The following PCDHA9 variants were observed in gnomAD, a reference collection of about 807,000 sequenced individuals.
PCDHA9 encodes the protein protocadherin alpha 9.
Under a neutral mutation model 62.0 loss-of-function variants are expected in PCDHA9, and 62 were observed. The observed-to-expected ratio is 1.00, with a 90% CI of 0.81 to 1.23. The LOEUF (loss-of-function observed/expected upper bound fraction) is 1.23, where lower values mean the gene tolerates loss of function less well. PCDHA9 is among the 50% of genes most tolerant of loss of function. The pLI is 0.00. For missense variants in PCDHA9, 1,205 were observed against 1,249.8 expected, an observed-to-expected ratio of 0.96 and a Z score of 0.54; for synonymous variants, 557 against 567.6, an observed-to-expected ratio of 0.98 and a Z score of 0.27.
chr5:140,920,519 C>T lies in PCDHA9; in HGVS notation c.2395-58430C>T, dbSNP rs555001599. Among the ~76,000 whole-genome samples the T allele has an allele frequency of 2.9e-4, 44 of 152,246 alleles. 2 individuals are homozygous for T. The highest frequency in any genetic ancestry group is 2.8e-4 in the Non-Finnish European group (19 of 68,008). On this transcript the variant is annotated intron_variant, in intron 1 of 3. Coordinates refer to ENST00000532602, the MANE Select transcript of PCDHA9 (RefSeq NM_031857.2). The stretch of plus-strand genomic sequence containing the variant: ...GTTCTACATACTGTTTTATGCAATT[C>T]GTTAGACTCAGGTTTTCTATTTCAC...
At chr5:140,910,105 T>C (rs1021391817) in intron 1 of PCDHA9, among the ~76,000 whole-genome samples, 11 of 152,202 alleles carry the variant, frequency 7.2e-5, no homozygotes, top group African/African-American at 2.7e-4. Flanking sequence ...CCCCTTCATT[T>C]AAGGGATTCT....
intron 1 of PCDHA9, chr5:140,852,271 A>C (rs1554145738): frequency 6.0e-6 from 3 of 502,014 alleles, no homozygotes; most frequent in African/African-American, 2.1e-5. Context: ...ACAATATTAC[A>C]TGTTTTTTGT....
rs371069140 is a variant in PCDHA9, at chr5:141,011,291, A to G, written c.*1354A>G. ...CTCTTTGGTTTAGTTTTCCTTTTCT[A>G]TAACACTCTGAATTGCTAATCTTAC... is the stretch of plus-strand genomic sequence containing the variant. On this transcript the variant is annotated 3_prime_UTR_variant, in exon 4 of 4. Coordinates refer to ENST00000532602, the MANE Select transcript of PCDHA9 (RefSeq NM_031857.2). 6 of 153,852 alleles carry G rather than the reference A, an allele frequency of 3.9e-5. No homozygotes were observed. The highest frequency in any genetic ancestry group is 8.8e-5 in the Non-Finnish European group (6 of 68,024). 9.5% of individuals were successfully genotyped at this position (153,852 alleles called of 1,614,324 possible).
chr5:140,989,633 A>AGG (rs2097351730), intron 3 of PCDHA9, among the ~76,000 whole-genome samples: 1 of 152,226 alleles, frequency 6.6e-6, no homozygotes. Flanking sequence ...AGTGACAGCA[A>AGG]GGGTCTTTCA....
intron 1 of PCDHA9, among the ~76,000 whole-genome samples, chr5:140,938,135 A>T (rs926775458): frequency 1.3e-5 from 2 of 152,198 alleles, no homozygotes; most frequent in Non-Finnish European, 2.9e-5. Flanking sequence ...AAATAGAGAT[A>T]GAGTCTCACT....
intron 1 of PCDHA9, among the ~76,000 whole-genome samples, chr5:140,905,327 TG>T (rs2071747762): frequency 6.6e-6 from 1 of 152,202 alleles, no homozygotes; most frequent in Non-Finnish European, 1.5e-5. Context: ...TATGCTTTGT[TG>T]AAGATCAGTT....
chr5:140,881,023 A>T (rs1338073910), intron 1 of PCDHA9, among the ~76,000 whole-genome samples: 2 of 152,240 alleles, frequency 1.3e-5, no homozygotes, highest in Admixed American at 1.3e-4. Flanking sequence ...AAATAAACCC[A>T]ACAGTCATTT....
intron 1 of PCDHA9, among the ~76,000 whole-genome samples, chr5:140,933,883 T>C (rs376864592): frequency 1.3e-5 from 2 of 152,084 alleles, no homozygotes; most frequent in East Asian, 1.9e-4. Context: ...GTTTTATCTG[T>C]ACTTTTGAAT....
intron 1 of PCDHA9, chr5:140,858,360 G>C (rs782369682): frequency 1.9e-6 from 3 of 1,592,532 alleles, no homozygotes; most frequent in Non-Finnish European, 2.6e-6. Flanking sequence ...ATGGCCTTCA[G>C]CCCCAGCCTT....
chr5:140,857,255 T>C (rs1307623486), intron 1 of PCDHA9: 1 of 1,598,356 alleles, frequency 6.3e-7, no homozygotes, highest in Non-Finnish European at 8.6e-7. Context: ...CTACAAGAAT[T>C]ACTACTCATT....
At chr5:140,929,250 G>A (rs995042103) in intron 1 of PCDHA9, 2 of 1,613,420 alleles carry the variant, frequency 1.2e-6, no homozygotes, top group Admixed American at 1.7e-5. Flanking sequence ...TTGCCACTGG[G>A]GTAGGACTGA....
intron 1 of PCDHA9, among the ~76,000 whole-genome samples, chr5:140,940,147 GT>G (rs1459512201): frequency 6.6e-6 from 1 of 152,082 alleles, no homozygotes; most frequent in African/African-American, 2.4e-5. Flanking sequence ...AACTATTATA[GT>G]TTTTGTTTGC....
At position 140,857,384 on chromosome 5, in the gene PCDHA9, G is replaced by A; in HGVS notation, c.2394+6495G>A. 7 of 1,598,500 alleles carry A rather than the reference G, an allele frequency of 4.4e-6. 1 individual carries two copies. The highest frequency in any genetic ancestry group is 2.7e-5 in the African/African-American group (2 of 74,484). On this transcript the variant is annotated intron_variant, in intron 1 of 3. Transcript: ENST00000532602. ...GGCCAGCGTGTCTGTGGAGGTGGCC[G>A]ACGTGAACGACAACGCGCCTGCGTT...
Position 140,848,770 on chromosome 5 carries a change from G to A in PCDHA9, c.275G>A (p.Arg92His). ...GILFVNSRIDREELCGRSAEC... is the reference protein window; with the variant it reads ...GILFVNSRIDHEELCGRSAEC... ...TTGTTTGTGAATTCTCGGATCGACCGCGAGGAGCTGTGCGGGCGGAGCGCG... is the reference window on the plus strand; with the variant it reads ...TTGTTTGTGAATTCTCGGATCGACCACGAGGAGCTGTGCGGGCGGAGCGCG... The change falls in exon 1 of 4, where the codon CGC becomes CAC. Residue 92 changes from arginine (R) to histidine (H), a missense_variant. This residue lies in a region of PCDHA9 where 208 missense variants were observed against 213.2 expected (regional missense o/e 0.98). Coordinates refer to ENST00000532602, the MANE Select transcript of PCDHA9 (RefSeq NM_031857.2). The A allele has an allele frequency of 6.3e-7, 1 of 1,593,518 alleles. No individual in the cohort carries two copies. The highest frequency in any genetic ancestry group is 8.6e-7 in the Non-Finnish European group (1 of 1,164,158).
chr5:140,854,721 T>C (rs941408696), intron 1 of PCDHA9: 9 of 149,956 alleles, frequency 6.0e-5, no homozygotes, highest in Non-Finnish European at 1.2e-4. Flanking sequence ...GACAGAAAAC[T>C]CAAGTTTTTT....
intron 1 of PCDHA9, among the ~76,000 whole-genome samples, chr5:140,895,100 T>G (rs1306041919): frequency 2.0e-5 from 3 of 152,190 alleles, no homozygotes; most frequent in African/African-American, 7.2e-5. Context: ...TAGGGGTTTT[T>G]GCTACAAGAA....
chr5:140,874,521 T>C (rs571924676), intron 1 of PCDHA9, among the ~76,000 whole-genome samples: 4 of 152,358 alleles, frequency 2.6e-5, no homozygotes, highest in African/African-American at 9.6e-5. Flanking sequence ...CTTTAGTCAA[T>C]GAGATTAGGC....
In PCDHA9 at chr5:140,849,038, C is replaced by A; in HGVS notation, c.543C>A (p.Asp181Glu). 2 of 1,575,008 alleles carry A rather than the reference C, an allele frequency of 1.3e-6. No homozygotes were observed. Among genetic ancestry groups the A allele is most frequent in the Non-Finnish European group, 1.7e-6 (2 of 1,156,576 alleles). Residue 181 changes from aspartate to glutamate, a missense_variant, in exon 1 of 4, where the codon GAC (aspartate) becomes GAA (glutamate). Transcript: ENST00000532602. ...GCCCCAATGAGTATTTCTTCCTGGA[C>A]GTGCCAACCAGCAACCAGCAGGTAA... ...RLSPNEYFFL[D>E]VPTSNQQVKP...
chr5:140,957,014 G>A (rs2095325954), intron 1 of PCDHA9, among the ~76,000 whole-genome samples: 1 of 152,124 alleles, frequency 6.6e-6, no homozygotes, highest in South Asian at 2.1e-4. Flanking sequence ...ATTTCTCAGT[G>A]AGCATTTAGA....
Sources: allele counts gnomAD v4.1 joint callset (sites outside exome capture counted in the v4.1 genomes callset), GRCh38; gene constraint gnomAD v4.1.1; regional missense constraint gnomAD v4.1.1; transcripts MANE v1.5; gene names NCBI Gene and HGNC (gene_info 2026-07-23, HGNC 2026-07-21).